Variants in TP53INP1 observed in about 807,000 individuals in gnomAD.
TP53INP1 encodes the protein tumor protein p53 inducible nuclear protein 1, also known as tumor protein p53-inducible nuclear protein 1.
A neutral mutation model predicts 21.0 loss-of-function variants in TP53INP1; 12 were observed. The observed-to-expected ratio is 0.57, with a 90% CI of 0.37 to 0.93. TP53INP1 has a LOEUF of 0.93. Ranked by LOEUF, TP53INP1 falls within the 40% of genes least tolerant of loss-of-function variation. TP53INP1 has a pLI of 0.01. For synonymous variants in TP53INP1, 91 were observed against 94.8 expected, an observed-to-expected ratio of 0.96 and a Z score of 0.23; for missense variants, 274 against 294.7, an observed-to-expected ratio of 0.93 and a Z score of 0.51.
intron 3 of TP53INP1, 35 bp from the exon 4 acceptor site, chr8:94,930,763 C>CA: frequency 1.2e-6 from 2 of 1,606,064 alleles, no homozygotes; most frequent in Non-Finnish European, 1.7e-6. Flanking sequence ...TATTAAATAA[C>CA]AGAGTATGTT....
chr8:94,940,367 G>C (rs1008333651), intron 2 of TP53INP1, 147 bp from the exon 3 acceptor site: 3 of 911,126 alleles, frequency 3.3e-6, no homozygotes, highest in African/African-American at 3.3e-5. Flanking sequence ...TGATGCTCAC[G>C]TATCTTCTTT....
chr8:94,944,786 A>G (rs537839295), intron 1 of TP53INP1, among the ~76,000 whole-genome samples: 1 of 152,320 alleles, frequency 6.6e-6, no homozygotes, highest in South Asian at 2.1e-4. Flanking sequence ...CTGGAGCTAA[A>G]TTGGCCCTTC....
At chr8:94,931,489 G>A (rs1006150544) in intron 3 of TP53INP1, among the ~76,000 whole-genome samples, 5 of 152,146 alleles carry the variant, frequency 3.3e-5, no homozygotes, top group African/African-American at 9.6e-5. Flanking sequence ...ATGTCAACAC[G>A]TAACATGAAG....
At position 94,929,571 on chromosome 8, in the gene TP53INP1, A is replaced by T. The variant is rs952154113; in HGVS notation, c.*908T>A. 3 of 152,224 alleles carry T rather than the reference A, an allele frequency of 2.0e-5. No homozygotes were observed. Among genetic ancestry groups the T allele is most frequent in the Admixed American group, 6.5e-5 (1 of 15,288 alleles). 9.4% of individuals were successfully genotyped at this position (152,224 alleles called of 1,614,324 possible). On this transcript the variant is annotated 3_prime_UTR_variant, in exon 4 of 4. Transcript: ENST00000342697. ...TTCACTCTGTGGAAATATAAAGCCTATCTCTTTTCCCATGGGCAGAGAGAA... is the reference window on the plus strand; with the variant it reads ...TTCACTCTGTGGAAATATAAAGCCTTTCTCTTTTCCCATGGGCAGAGAGAA...
intron 3 of TP53INP1, 106 bp from the exon 4 acceptor site, chr8:94,930,834 T>C: frequency 8.0e-7 from 1 of 1,247,116 alleles, no homozygotes; most frequent in Non-Finnish European, 1.1e-6. Flanking sequence ...TGTTTATGGC[T>C]GAATGAGAGC....
intron 1 of TP53INP1, among the ~76,000 whole-genome samples, chr8:94,942,932 A>C (rs1046787391): frequency 2.6e-5 from 4 of 152,208 alleles, no homozygotes; most frequent in African/African-American, 9.6e-5. Context: ...AGCCTGGAAA[A>C]GGGGAAGGGA....
In TP53INP1 at chr8:94,940,958, A is replaced by G. The variant is rs1169194200; in HGVS notation, c.-17T>C. The G allele has an allele frequency of 3.1e-6, 5 of 1,594,340 alleles. No individual in the cohort carries two copies. Among genetic ancestry groups the G allele is most frequent in the Non-Finnish European group, 2.6e-6 (3 of 1,165,042 alleles). On this transcript the variant is annotated 5_prime_UTR_variant, in exon 2 of 4. Transcript: ENST00000342697. ...CTGGAACATTGTTAAGGCAAGACTGAGAGTTTGGCTGGATGTCTTTTATAG... is the reference window on the plus strand; with the variant it reads ...CTGGAACATTGTTAAGGCAAGACTGGGAGTTTGGCTGGATGTCTTTTATAG...
At chr8:94,942,625 T>G (rs1427135108) in intron 1 of TP53INP1, among the ~76,000 whole-genome samples, 1 of 152,232 alleles carries the variant, frequency 6.6e-6, no homozygotes, top group Non-Finnish European at 1.5e-5. Flanking sequence ...TCAGGTGCAG[T>G]GCTGGGCACA....
intron 2 of TP53INP1, 109 bp downstream of exon 2, chr8:94,940,721 T>C: frequency 1.3e-6 from 1 of 754,392 alleles, no homozygotes; most frequent in Non-Finnish European, 2.2e-6. Flanking sequence ...TCCTGCTTAC[T>C]TTTAAGGCTG....
intron 3 of TP53INP1, among the ~76,000 whole-genome samples, chr8:94,932,345 G>A (rs1198565717): frequency 6.6e-6 from 1 of 152,158 alleles, no homozygotes; most frequent in Non-Finnish European, 1.5e-5. Context: ...TCAATTTTCT[G>A]TGCTTTATGG....
chr8:94,935,128 T>TAGATATAGATAG (rs1554630991), intron 3 of TP53INP1, among the ~76,000 whole-genome samples: 1 of 144,640 alleles, frequency 6.9e-6, no homozygotes, highest in Admixed American at 7.0e-5. Flanking sequence ...GGTAGATAGA[T>TAGATATAGATAG]ATAGATAGAT....
At chr8:94,940,256 G>A (rs772641163) in intron 2 of TP53INP1, 36 bp from the exon 3 acceptor site, 1 of 1,558,096 alleles carries the variant, frequency 6.4e-7, no homozygotes, top group Non-Finnish European at 8.7e-7. Flanking sequence ...CACATGTGTT[G>A]TTGAAGAGTC....
At chr8:94,934,976 T>C (rs774337740) in intron 3 of TP53INP1, among the ~76,000 whole-genome samples, 23 of 152,140 alleles carry the variant, frequency 1.5e-4, no homozygotes, top group Non-Finnish European at 3.2e-4. Flanking sequence ...GAAATATGTT[T>C]AGCCTCATAA....
At chr8:94,932,169 T>C (rs1820474501) in intron 3 of TP53INP1, 3 of 1,549,408 alleles carry the variant, frequency 1.9e-6, no homozygotes, top group South Asian at 2.3e-5. Context: ...TATTGTAACT[T>C]TACTATTAGG....
intron 3 of TP53INP1, chr8:94,932,034 A>C: frequency 6.3e-7 from 1 of 1,595,894 alleles, no homozygotes; most frequent in Non-Finnish European, 8.5e-7. Context: ...CCCTATGCAT[A>C]CATATATCAC....
chr8:94,945,951 C>T (rs1821947586), intron 1 of TP53INP1, among the ~76,000 whole-genome samples: 1 of 152,176 alleles, frequency 6.6e-6, no homozygotes, highest in Admixed American at 6.5e-5. Flanking sequence ...CTGCTTGGCT[C>T]AAAAGACCTC....
chr8:94,935,128 TATAGATAGATAG>T (rs56734843), intron 3 of TP53INP1, among the ~76,000 whole-genome samples: 1,539 of 144,736 alleles, frequency 0.011, 9 homozygotes, highest in African/African-American at 0.019. Context: ...GGTAGATAGA[TATAGATAGATAG>T]ATAGATAGAT....
chr8:94,930,365 TA>T lies in TP53INP1; in HGVS notation c.*113del. 10 of 1,417,220 alleles carry T rather than the reference TA, an allele frequency of 7.1e-6. No individual in the cohort carries two copies. The highest frequency in any genetic ancestry group is 9.7e-6 in the Non-Finnish European group (10 of 1,034,546). The allele number at this position is 1,417,220 out of a possible 1,614,324, so 87.8% of individuals were successfully genotyped here. On this transcript the variant is annotated 3_prime_UTR_variant, in exon 4 of 4. Coordinates refer to ENST00000342697, the MANE Select transcript of TP53INP1 (RefSeq NM_033285.4). ...TAGTGTCTAAATACACTGATAAAAC[TA>T]TGTGATTGGTTATCAATTGGTTGTA... is the stretch of plus-strand genomic sequence containing the variant.
rs975142052 is a variant in TP53INP1 at position 94,926,904 on chromosome 8, A to G, written c.*3575T>C. 3.3e-5 allele frequency: 5 copies of G among 152,246 alleles called. No homozygotes were observed. The highest frequency in any genetic ancestry group is 1.2e-4 in the African/African-American group (5 of 41,458). The allele number at this position is 152,246 out of a possible 1,614,324, so 9.4% of individuals were successfully genotyped here. On this transcript the variant is annotated 3_prime_UTR_variant, in exon 4 of 4. Coordinates refer to ENST00000342697, the MANE Select transcript of TP53INP1 (RefSeq NM_033285.4). ...TATAATTTTAAGCATTAAAGTAAGT[A>G]GATAGGGATGCCATTTCTAATATAT...
Sources: allele counts gnomAD v4.1 joint callset (sites outside exome capture counted in the v4.1 genomes callset), GRCh38; gene constraint gnomAD v4.1.1; transcripts MANE v1.5; gene names NCBI Gene and HGNC (gene_info 2026-07-23, HGNC 2026-07-21).